Variants in ZNF30 observed in about 807,000 individuals in gnomAD.
The protein encoded by ZNF30 is zinc finger protein 30.
Under a neutral mutation model 13.2 loss-of-function variants are expected in ZNF30, and 15 were observed. The ratio of observed to expected loss-of-function variants is 1.13; its 90% CI spans 0.76 to 1.75. The LOEUF is 1.75. Among genes scored for constraint, ZNF30 ranks in the 40% most tolerant of loss-of-function variants. The pLI is 0.00. For synonymous variants in ZNF30, 223 were observed against 256.6 expected (o/e 0.87, Z 1.25); for missense variants, 726 against 757.0 (o/e 0.96, Z 0.48).
chr19:34,926,685 T>C (rs144451811), upstream of ZNF30: 413 of 344,908 alleles, frequency 1.2e-3, 14 homozygotes, highest in African/African-American at 7.9e-3. Flanking sequence ...TATTTTGGTA[T>C]AGATTATCAT....
chr19:34,927,198 A>T lies in ZNF30; in HGVS notation c.-83A>T, dbSNP rs1380923676. The T allele has an allele frequency of 2.6e-6, 1 of 384,296 alleles. No individual in the cohort carries two copies. The highest frequency in any genetic ancestry group is 4.6e-6 in the Non-Finnish European group (1 of 217,480). 23.8% of individuals were successfully genotyped at this position (384,296 alleles called of 1,614,324 possible). On this transcript the variant is annotated 5_prime_UTR_variant, in exon 1 of 5. Transcript: ENST00000601142. ...GCTCTGCAGACCTGTGTCGGCGCGG[A>T]ACCCGGACTGAGACATGCGTGAGCG...
chr19:34,928,220 A>AAAAAAAAAT (rs1555778254), intron 1 of ZNF30, among the ~76,000 whole-genome samples: 2 of 73,412 alleles, frequency 2.7e-5, no homozygotes, highest in Non-Finnish European at 5.1e-5. Context: ...AAAAAAAAAA[A>AAAAAAAAAT]ATATATATAT....
intron 4 of ZNF30, among the ~76,000 whole-genome samples, chr19:34,941,360 GTTCAAGTGA>G (rs1366784529): frequency 6.6e-6 from 1 of 152,200 alleles, no homozygotes; most frequent in Non-Finnish European, 1.5e-5. Flanking sequence ...TGCCTCCCAG[GTTCAAGTGA>G]TTCTCCTGCC....
At chr19:34,942,949 CG>C in intron 4 of ZNF30, among the ~76,000 whole-genome samples, 1 of 152,276 alleles carries the variant, frequency 6.6e-6, no homozygotes, top group African/African-American at 2.4e-5. Context: ...TTCAGAGGGG[CG>C]GGATGCTGCT....
At chr19:34,931,180 G>A (rs1273417019) in intron 2 of ZNF30, among the ~76,000 whole-genome samples, 1 of 151,822 alleles carries the variant, frequency 6.6e-6, no homozygotes. Context: ...TGGGATTACA[G>A]GCACATGCCA....
At chr19:34,933,467 T>G (rs958355449) in intron 3 of ZNF30, 161 bp from the exon 4 acceptor site, 13 of 497,176 alleles carry the variant, frequency 2.6e-5, no homozygotes, top group Non-Finnish European at 4.4e-5. Context: ...AATAAAACCG[T>G]TCTCTACCTG....
chr19:34,945,128 A>G lies in ZNF30; in HGVS notation c.*290A>G. 3.3e-6 allele frequency: 1 copy of G among 299,424 alleles called. No homozygotes were observed. Among genetic ancestry groups the G allele is most frequent in the East Asian group, 5.6e-5 (1 of 17,798 alleles). 18.5% of individuals were successfully genotyped at this position (299,424 alleles called of 1,614,324 possible). On this transcript the variant is annotated 3_prime_UTR_variant, in exon 5 of 5. Transcript: ENST00000601142. ...TATATGATGCATTTATTCTAATGTG[A>G]TTGTATGAACAAGTGAATAAAAAAC...
intron 4 of ZNF30, chr19:34,942,789 T>C: frequency 2.7e-6 from 1 of 370,680 alleles, no homozygotes; most frequent in East Asian, 8.9e-5. Context: ...CAATATTATC[T>C]GTGGAAAGAT....
In ZNF30 at chr19:34,944,490, TAAG is replaced by T. The variant is rs1202976290; in HGVS notation, c.1528_1530del (p.Lys510del). The T allele has an allele frequency of 6.2e-7, 1 of 1,609,656 alleles. No homozygotes were observed. The highest frequency in any genetic ancestry group is 8.5e-7 in the Non-Finnish European group (1 of 1,178,640). On this transcript the variant is annotated inframe_deletion, in exon 5 of 5. Transcript: ENST00000601142. Reference sequence around the variant, plus strand: ...TACAACATAGCAGAATCCATACTGGTAAGAAGCCCTATGAGTGTAAGGAGTGTG... The same window carrying T: ...TACAACATAGCAGAATCCATACTGGTAAGCCCTATGAGTGTAAGGAGTGTG...
intron 4 of ZNF30, among the ~76,000 whole-genome samples, chr19:34,939,476 C>A (rs2012928084): frequency 6.6e-6 from 1 of 151,204 alleles, no homozygotes; most frequent in African/African-American, 2.4e-5. Flanking sequence ...CCGTGCCCGG[C>A]CTAACTTCTG....
intron 1 of ZNF30, among the ~76,000 whole-genome samples, chr19:34,928,814 A>T (rs1600215730): frequency 6.6e-6 from 1 of 152,144 alleles, no homozygotes; most frequent in African/African-American, 2.4e-5. Context: ...CCTGTCTCAA[A>T]CAAACAAACA....
chr19:34,928,217 AAAAATATATAT>A (rs1437872117), intron 1 of ZNF30, among the ~76,000 whole-genome samples: 1 of 71,152 alleles, frequency 1.4e-5, no homozygotes, highest in African/African-American at 9.1e-5. Context: ...CTAAAAAAAA[AAAAATATATAT>A]ATATATATAT....
chr19:34,925,277 C>G (rs958025685), upstream of ZNF30, among the ~76,000 whole-genome samples: 15 of 152,236 alleles, frequency 9.9e-5, no homozygotes, highest in African/African-American at 3.4e-4. Flanking sequence ...GCTTTCATAT[C>G]CCGGGGTTCC....
intron 4 of ZNF30, among the ~76,000 whole-genome samples, chr19:34,934,983 A>G (rs375782726): frequency 6.6e-6 from 1 of 152,130 alleles, no homozygotes; most frequent in African/African-American, 2.4e-5. Context: ...TAATCCCAGT[A>G]CTTTGGGAGG....
intron 1 of ZNF30, among the ~76,000 whole-genome samples, chr19:34,928,220 A>AAAAATATATATATATATAT (rs1555778254): frequency 2.7e-5 from 2 of 73,412 alleles, no homozygotes; most frequent in African/African-American, 1.2e-4. Context: ...AAAAAAAAAA[A>AAAAATATATATATATATAT]ATATATATAT....
At chr19:34,942,734 A>C (rs1349989445) in intron 4 of ZNF30, 2 of 765,148 alleles carry the variant, frequency 2.6e-6, no homozygotes, top group Non-Finnish European at 3.9e-6. Flanking sequence ...AGTATGGGAC[A>C]GAGGGAGTTG....
At chr19:34,934,242 TA>T (rs1375991640) in intron 4 of ZNF30, among the ~76,000 whole-genome samples, 1 of 152,126 alleles carries the variant, frequency 6.6e-6, no homozygotes, top group Non-Finnish European at 1.5e-5. Context: ...GCTAGAGTGC[TA>T]GCAGGAATTT....
At chr19:34,931,060 C>A (rs1269713856) in intron 2 of ZNF30, among the ~76,000 whole-genome samples, 1 of 120,956 alleles carries the variant, frequency 8.3e-6, no homozygotes, top group Non-Finnish European at 1.6e-5. Flanking sequence ...TTTTTTGAGA[C>A]TGAGTCTCGC....
Position 34,944,548 on chromosome 19 carries a change from G to C in ZNF30, c.1582G>C (p.Val528Leu). ...GKAFSSGSYLVQHQRIHTGEK... is the reference protein window; with the variant it reads ...GKAFSSGSYLLQHQRIHTGEK... The stretch of plus-strand genomic sequence containing the variant: ...GGCCTTCAGTTCTGGCTCATACCTT[G>C]TTCAGCATCAAAGAATTCATACTGG... Residue 528 changes from valine to leucine, a missense_variant, in exon 5 of 5, where the codon GTT (valine) becomes CTT (leucine). Physicochemically the swap from Val to Leu is conservative, Grantham distance 32. Coordinates refer to ENST00000601142, the MANE Select transcript of ZNF30 (RefSeq NM_194325.3). The C allele has an allele frequency of 6.2e-7, 1 of 1,614,126 alleles. No individual in the cohort carries two copies. Among genetic ancestry groups the C allele is most frequent in the Non-Finnish European group, 8.5e-7 (1 of 1,180,010 alleles).
Sources: allele counts gnomAD v4.1 joint callset (sites outside exome capture counted in the v4.1 genomes callset), GRCh38; gene constraint gnomAD v4.1.1; transcripts MANE v1.5; gene names NCBI Gene and HGNC (gene_info 2026-07-23, HGNC 2026-07-21).